Variants in ACOT11 observed in about 807,000 individuals in gnomAD.
The protein encoded by ACOT11 is acyl-CoA thioesterase 11.
ACOT11 carries 69 observed loss-of-function variants against 77.5 expected under a neutral mutation model. The observed-to-expected ratio is 0.89, with a 90% CI of 0.73 to 1.09. The LOEUF is 1.09. ACOT11 is among the 50% of genes least tolerant of loss of function. The pLI is 0.00. For missense variants in ACOT11, 766 were observed against 813.7 expected (o/e 0.94, Z 0.71); for synonymous variants, 279 against 313.0 (o/e 0.89, Z 1.15).
intron 15 of ACOT11, among the ~76,000 whole-genome samples, chr1:54,615,711 C>A (rs1231475820): frequency 1.3e-5 from 2 of 152,092 alleles, no homozygotes; most frequent in African/African-American, 4.8e-5. Flanking sequence ...GGGCTTTGAA[C>A]ATGTTACGTC....
rs374767601 is a variant in ACOT11 at position 54,602,723 on chromosome 1, A to G, written c.1084A>G (p.Arg362Gly). The change falls in exon 10 of 16, where the codon AGG becomes GGG. Residue 362 changes from arginine (R) to glycine (G), a missense_variant and splice_region_variant. By Grantham distance (125) the Arg-to-Gly change is moderately radical. Transcript: ENST00000343744. ...ASARKKIRLDRKYIVSCKQTE... is the reference protein window; with the variant it reads ...ASARKKIRLDGKYIVSCKQTE... ...TGCCAGAAAGAAGATCCGCCTGGAC[A>G]GGTGAGTAGGGGCTGAGTGGTGGGC... 2.6e-6 allele frequency: 4 copies of G among 1,547,652 alleles called. No individual in the cohort carries two copies. The highest frequency in any genetic ancestry group is 2.6e-6 in the Non-Finnish European group (3 of 1,147,534).
At chr1:54,577,613 G>A (rs1363523407) in intron 1 of ACOT11, among the ~76,000 whole-genome samples, 1 of 115,082 alleles carries the variant, frequency 8.7e-6, no homozygotes, top group South Asian at 2.7e-4. Flanking sequence ...GCTGTGAATA[G>A]TGCTGCTATG....
At chr1:54,569,936 A>G (rs1653877380) in intron 1 of ACOT11, among the ~76,000 whole-genome samples, 1 of 152,220 alleles carries the variant, frequency 6.6e-6, no homozygotes, top group African/African-American at 2.4e-5. Context: ...GAGCAGGTAC[A>G]TGTGGTACTT....
Position 54,597,241 on chromosome 1 carries a change from T to C in ACOT11, c.608-18T>C, listed in dbSNP as rs1348704655. 1 of 1,609,014 alleles carries C rather than the reference T, an allele frequency of 6.2e-7. No homozygotes were observed. Among genetic ancestry groups the C allele is most frequent in the East Asian group, 2.2e-5 (1 of 44,888 alleles). On this transcript the variant is annotated intron_variant, in intron 6 of 15. Transcript: ENST00000343744. The stretch of plus-strand genomic sequence containing the variant: ...TTCTCACCTCCCTGCTTCCCTCCCT[T>C]ATCCCATCCCTGGTCAGATCTGGAG...
exon 17 of ACOT11, chr1:54,636,236 C>T (rs559859566): frequency 6.6e-6 from 1 of 152,162 alleles, no homozygotes; most frequent in South Asian, 2.1e-4. Flanking sequence ...CCCAGGGGAC[C>T]AGCATTCAGC....
exon 17 of ACOT11, chr1:54,636,710 G>A (rs1289996912): frequency 6.6e-6 from 1 of 152,350 alleles, no homozygotes; most frequent in Non-Finnish European, 1.5e-5. Context: ...CTTCCCACGA[G>A]GCCATATTTC....
intron 1 of ACOT11, among the ~76,000 whole-genome samples, chr1:54,561,044 G>A (rs1334107866): frequency 1.3e-5 from 2 of 151,918 alleles, no homozygotes; most frequent in African/African-American, 2.4e-5. Flanking sequence ...GGGATTACAG[G>A]TGTGAGCCAT....
intron 13 of ACOT11, 143 bp downstream of exon 13, chr1:54,605,352 T>A: frequency 7.7e-6 from 10 of 1,290,976 alleles, no homozygotes; most frequent in Non-Finnish European, 9.3e-6. Context: ...GGGTGGGGGT[T>A]CAGGGTCATG....
downstream of ACOT11, chr1:54,610,861 T>G: frequency 1.0e-6 from 1 of 985,378 alleles, no homozygotes; most frequent in South Asian, 4.7e-5. Context: ...TGATGGGGCC[T>G]CTTTGAGATG....
rs145039416 is a variant in ACOT11, at chr1:54,618,749, G to A, written c.1629+10681G>A. Among the ~76,000 whole-genome samples the A allele has an allele frequency of 3.9e-5, 6 of 152,260 alleles. 1 individual carries two copies. Among genetic ancestry groups the A allele is most frequent in the South Asian group, 2.1e-4 (1 of 4,816 alleles). On this transcript the variant is annotated intron_variant, in intron 15 of 16. Transcript: ENST00000371316. ...CAGCTTTACCCATCTGCAGGAGCTC[G>A]CGGTGGCTGTGTGCAGACCGTGAAT... is the stretch of plus-strand genomic sequence containing the variant.
At chr1:54,557,890 G>C (rs1010850111) in intron 1 of ACOT11, among the ~76,000 whole-genome samples, 1 of 152,090 alleles carries the variant, frequency 6.6e-6, no homozygotes, top group African/African-American at 2.4e-5. Context: ...AATTGCTCTG[G>C]CTAGGACTTC....
rs980379710 is a variant in ACOT11 at position 54,594,258 on chromosome 1, C to T, written c.471+219C>T. 6.6e-5 allele frequency among the ~76,000 whole-genome samples: 10 copies of T among 152,264 alleles called. 1 individual carries two copies. The highest frequency in any genetic ancestry group is 5.9e-4 in the Admixed American group (9 of 15,298). On this transcript the variant is annotated intron_variant, in intron 5 of 15. Transcript: ENST00000343744. ...CCCACCTCTCCCTGTGCTTCTCCAG[C>T]GAAGATTCTTCTGGTCTCACCATTC...
chr1:54,573,418 TA>T (rs1653989809), intron 1 of ACOT11, among the ~76,000 whole-genome samples: 1 of 152,204 alleles, frequency 6.6e-6, no homozygotes, highest in Non-Finnish European at 1.5e-5. Flanking sequence ...GTGTGATGAT[TA>T]AAAGAGATAA....
chr1:54,569,587 G>T (rs114525994), intron 1 of ACOT11, among the ~76,000 whole-genome samples: 2 of 152,152 alleles, frequency 1.3e-5, no homozygotes, highest in South Asian at 4.2e-4. Flanking sequence ...ATTCCTTCCC[G>T]AAATGCACTC....
intron 5 of ACOT11, 97 bp from the exon 6 acceptor site, chr1:54,594,459 T>G: frequency 6.8e-7 from 1 of 1,463,290 alleles, no homozygotes; most frequent in South Asian, 1.4e-5. Context: ...GCCTGCTGTG[T>G]GCTAGCCTCG....
chr1:54,610,049 G>T lies in ACOT11; in HGVS notation c.*937G>T, dbSNP rs772244822. The stretch of plus-strand genomic sequence containing the variant: ...GAGTTATGGGGTCATCAAGGACCTT[G>T]CCTCTCTGGAATCTGTCAACCCAGT... On this transcript the variant is annotated 3_prime_UTR_variant, in exon 16 of 16. Transcript: ENST00000343744. 6.9e-7 allele frequency: 1 copy of T among 1,448,256 alleles called. No individual in the cohort carries two copies. Among genetic ancestry groups the T allele is most frequent in the Non-Finnish European group, 9.0e-7 (1 of 1,105,586 alleles). 89.7% of individuals were successfully genotyped at this position (1,448,256 alleles called of 1,614,324 possible).
chr1:54,613,479 G>A (rs1644139996), downstream of ACOT11, among the ~76,000 whole-genome samples: 1 of 151,002 alleles, frequency 6.6e-6, no homozygotes, highest in Non-Finnish European at 1.5e-5. Flanking sequence ...TTCTATACGT[G>A]GTCTCGCTGT....
rs371959591 is a variant in ACOT11 at position 54,582,865 on chromosome 1, G to T, written c.34-1790G>T. 3.9e-5 allele frequency among the ~76,000 whole-genome samples: 6 copies of T among 152,218 alleles called. No individual in the cohort carries two copies. The East Asian group carries it at 1.2e-3, about 29-fold the overall frequency. On this transcript the variant is annotated intron_variant, in intron 1 of 15. Transcript: ENST00000343744. ...CTGCCCAGTTGCCCTCTGCAAGTGG[G>T]CATTGTCTCCCCATTTCCTCAGCTC...
At chr1:54,611,674 T>A (rs1557669536), downstream of ACOT11, 1 of 1,614,076 alleles carries the variant, frequency 6.2e-7, no homozygotes, top group Non-Finnish European at 8.5e-7. Context: ...GACAGCAGTG[T>A]TATCCCGGAC....
Sources: gnomAD v4.1 joint callset for allele counts (sites outside exome capture counted in the v4.1 genomes callset) on GRCh38, gnomAD v4.1.1 for gene constraint, MANE v1.5 for transcripts, NCBI Gene and HGNC (gene_info 2026-07-23, HGNC 2026-07-21) for gene names.